Variants in TSHZ2 observed in about 807,000 individuals in gnomAD.
The protein encoded by TSHZ2 is teashirt zinc finger homeobox 2.
Under a neutral mutation model 74.4 loss-of-function variants are expected in TSHZ2, and 21 were observed. The ratio of observed to expected loss-of-function variants is 0.28; its 90% CI spans 0.20 to 0.41. The LOEUF is 0.41. Ranked by LOEUF, TSHZ2 falls within the 10% of genes least tolerant of loss-of-function variation. The pLI is 1.00. For synonymous variants in TSHZ2, 540 were observed against 515.3 expected (o/e 1.05, Z -0.65); for missense variants, 1,244 against 1,293.5 (o/e 0.96, Z 0.59).
chr20:53,146,714 C>A (rs1284808098), intron 1 of TSHZ2, among the ~76,000 whole-genome samples: 1 of 152,034 alleles, frequency 6.6e-6, no homozygotes, highest in African/African-American at 2.4e-5. Context: ...TATTAGGCTC[C>A]CCATTGGTAG....
chr20:53,357,429 C>A (rs1479036420), intron 2 of TSHZ2, among the ~76,000 whole-genome samples: 1 of 151,980 alleles, frequency 6.6e-6, no homozygotes, highest in Non-Finnish European at 1.5e-5. Context: ...CTTTGGGAGG[C>A]TGAAGTGGGA....
rs34687825 is a variant in TSHZ2 at position 53,323,563 on chromosome 20, C to CTTTTTTTTTTT, written c.*8+67014_*8+67024dup. Among the ~76,000 whole-genome samples the CTTTTTTTTTTT allele has an allele frequency of 2.0e-3, 75 of 36,678 alleles. 24 individuals carry two copies. The highest frequency in any genetic ancestry group is 2.4e-3 in the Admixed American group (5 of 2,076). 24.1% of individuals were successfully genotyped at this position (36,678 alleles called of 152,430 possible). A position where few individuals can be genotyped will look rare whatever the true frequency, so the allele number is the denominator to read the frequency against. ...CACCCGTTTTCATTGCCTTGGAGGGCTTTTTTTTTTTTTTTTTTTTTTTTT... is the reference window on the plus strand; with the variant it reads ...CACCCGTTTTCATTGCCTTGGAGGGCTTTTTTTTTTTTTTTTTTTTTTTTTTTTTTTTTTTT... On this transcript the variant is annotated intron_variant, in intron 2 of 2. Transcript: ENST00000371497.
At chr20:53,233,363 A>G (rs918524186) in intron 1 of TSHZ2, among the ~76,000 whole-genome samples, 6 of 152,252 alleles carry the variant, frequency 3.9e-5, no homozygotes, top group Admixed American at 2.6e-4. Context: ...GATGGGAGCA[A>G]TCGAGAAAAA....
At chr20:53,077,377 C>G (rs1985398566) in intron 1 of TSHZ2, among the ~76,000 whole-genome samples, 1 of 147,758 alleles carries the variant, frequency 6.8e-6, no homozygotes, top group African/African-American at 2.5e-5. Flanking sequence ...TGCCACTGCA[C>G]TGCAGCCAGG....
intron 2 of TSHZ2, among the ~76,000 whole-genome samples, chr20:53,391,450 T>A (rs924636064): frequency 6.6e-6 from 1 of 151,566 alleles, no homozygotes; most frequent in African/African-American, 2.4e-5. Flanking sequence ...AGGCCGTTTT[T>A]TTTGTTTGTT....
chr20:53,058,892 T>G (rs1377868778), intron 1 of TSHZ2, among the ~76,000 whole-genome samples: 1 of 152,238 alleles, frequency 6.6e-6, no homozygotes, highest in East Asian at 1.9e-4. Context: ...TACATATATT[T>G]CGTTTGTTTG....
At chr20:53,305,587 G>A (rs13044030) in intron 2 of TSHZ2, among the ~76,000 whole-genome samples, 41,549 of 152,094 alleles carry the variant, frequency 0.27, 6,548 homozygotes, top group South Asian at 0.39. Context: ...TTTGGCTCTG[G>A]TTTTAAGTTG....
intron 2 of TSHZ2, among the ~76,000 whole-genome samples, chr20:53,411,251 T>G (rs1983044702): frequency 6.6e-6 from 1 of 152,180 alleles, no homozygotes; most frequent in Admixed American, 6.5e-5. Flanking sequence ...TGACATGATG[T>G]GGAGTCCCAG....
chr20:53,358,343 T>C (rs969203175), intron 2 of TSHZ2, among the ~76,000 whole-genome samples: 18 of 144,354 alleles, frequency 1.2e-4, no homozygotes, highest in African/African-American at 4.6e-4. Context: ...TTTTTTTTTT[T>C]TTTTTTTTTT....
intron 1 of TSHZ2, among the ~76,000 whole-genome samples, chr20:53,021,849 A>AT (rs900092706): frequency 6.6e-4 from 100 of 151,788 alleles, no homozygotes; most frequent in African/African-American, 1.8e-3. Context: ...TTAAGTAGTA[A>AT]TTTTTTTTTA....
chr20:53,480,522 G>A (rs1306450463), intron 2 of TSHZ2, among the ~76,000 whole-genome samples: 6 of 151,308 alleles, frequency 4.0e-5, no homozygotes, highest in African/African-American at 1.5e-4. Context: ...AACTATGATC[G>A]TGCCACTGCA....
At position 53,269,978 on chromosome 20, in the gene TSHZ2, A is replaced by C. The variant is rs573089323; in HGVS notation, c.*8+13407A>C. On this transcript the variant is annotated intron_variant, in intron 2 of 2. Transcript: ENST00000371497. ...TATTCTCATATCATCTCTGAGAGGT[A>C]GATGGAGACCCTACCTTCATTTACT... is the stretch of plus-strand genomic sequence containing the variant. 2.6e-5 allele frequency among the ~76,000 whole-genome samples: 4 copies of C among 152,316 alleles called. No individual in the cohort carries two copies. The East Asian group carries it at 7.7e-4, about 29-fold the overall frequency.
rs74895174 is a variant in TSHZ2 at position 53,465,644 on chromosome 20, C to T, written c.*9-21500C>T. Among the ~76,000 whole-genome samples, 612 of 152,242 alleles carry T rather than the reference C, an allele frequency of 4.0e-3. 4 individuals carry two copies. The highest frequency in any genetic ancestry group is 0.013 in the African/African-American group (559 of 41,534). On this transcript the variant is annotated intron_variant, in intron 2 of 2. Transcript: ENST00000371497. ...CTGAGTTCAAATCCCAGCTCTGCTA[C>T]TTCCCAGGCATGTGCTGTTGGTCCT... is the stretch of plus-strand genomic sequence containing the variant.
chr20:53,107,038 G>C (rs1415103850), intron 1 of TSHZ2, among the ~76,000 whole-genome samples: 1 of 152,090 alleles, frequency 6.6e-6, no homozygotes, highest in African/African-American at 2.4e-5. Flanking sequence ...CAAGCCCTCT[G>C]CCTGTATCTT....
chr20:53,113,238 C>G (rs369779334), intron 1 of TSHZ2, among the ~76,000 whole-genome samples: 2 of 152,168 alleles, frequency 1.3e-5, no homozygotes, highest in Non-Finnish European at 2.9e-5. Flanking sequence ...ATACTGAGAA[C>G]GCAGTAAGAA....
At chr20:53,208,149 G>A (rs181920317) in intron 1 of TSHZ2, among the ~76,000 whole-genome samples, 8 of 152,174 alleles carry the variant, frequency 5.3e-5, no homozygotes, top group Admixed American at 2.0e-4. Flanking sequence ...AATCGCATTC[G>A]CCCTAAGACC....
chr20:53,068,883 T>C (rs79228755), intron 1 of TSHZ2, among the ~76,000 whole-genome samples: 1 of 152,014 alleles, frequency 6.6e-6, no homozygotes, highest in Middle Eastern at 3.4e-3. Context: ...GTTTTTTTTT[T>C]CCATAAAGAA....
At chr20:53,143,110 A>G (rs1987447786) in intron 1 of TSHZ2, among the ~76,000 whole-genome samples, 1 of 152,218 alleles carries the variant, frequency 6.6e-6, no homozygotes, top group African/African-American at 2.4e-5. Flanking sequence ...ATATGTAAAT[A>G]CTATTCGAAT....
At chr20:53,459,443 ATG>A (rs1985258506) in intron 2 of TSHZ2, among the ~76,000 whole-genome samples, 1 of 150,178 alleles carries the variant, frequency 6.7e-6, no homozygotes. Context: ...TTTTGAGCCT[ATG>A]TGTGTCTCTG....
Sources: gnomAD v4.1 joint callset for allele counts (sites outside exome capture counted in the v4.1 genomes callset) on GRCh38, gnomAD v4.1.1 for gene constraint, MANE v1.5 for transcripts, NCBI Gene and HGNC (gene_info 2026-07-23, HGNC 2026-07-21) for gene names.